The following DNM3 variants were observed in gnomAD, a reference collection of about 807,000 sequenced individuals.
DNM3 encodes the protein dynamin 3.
DNM3 carries 47 observed loss-of-function variants against 101.6 expected under a neutral mutation model. The ratio of observed to expected loss-of-function variants is 0.46; its 90% CI spans 0.37 to 0.59. DNM3 has a LOEUF of 0.59. DNM3 is among the 20% of genes least tolerant of loss of function. The probability of loss-of-function intolerance (pLI) is 0.00; values close to 1 mark genes in which losing one functional copy is unlikely to be tolerated. For missense variants in DNM3, 849 were observed against 1,085.7 expected (o/e 0.78, Z 3.06); for synonymous variants, 385 against 387.9 (o/e 0.99, Z 0.09).
chr1:172,057,973 A>G (rs1339106694), intron 10 of DNM3, among the ~76,000 whole-genome samples: 1 of 141,536 alleles, frequency 7.1e-6, no homozygotes, highest in Non-Finnish European at 1.5e-5. Context: ...AGACACACAT[A>G]GGCTCAACAT....
At chr1:171,995,327 A>G (rs747949203) in intron 4 of DNM3, among the ~76,000 whole-genome samples, 3 of 150,990 alleles carry the variant, frequency 2.0e-5, no homozygotes, top group Non-Finnish European at 4.4e-5. Context: ...CTGGTCTTGT[A>G]CTCCTGACCT....
intron 17 of DNM3, among the ~76,000 whole-genome samples, chr1:172,365,173 A>C (rs936171620): frequency 2.0e-5 from 3 of 151,950 alleles, no homozygotes; most frequent in African/African-American, 7.2e-5. Context: ...AAAATTATTA[A>C]TGTTTTAGAT....
rs746026995 is a variant in DNM3, at chr1:172,108,010, G to T, written c.1545+15135G>T. On this transcript the variant is annotated intron_variant, in intron 13 of 20. Transcript: ENST00000627582. ...AGCAGTCAGGCAGGAGGTACCCGGT[G>T]GTTAACCTTCTGGTCTCCATTCTCA... Among the ~76,000 whole-genome samples, 43 of 151,470 alleles carry T rather than the reference G, an allele frequency of 2.8e-4. 1 individual carries two copies. The highest frequency in any genetic ancestry group is 2.8e-4 in the Non-Finnish European group (19 of 67,938).
intron 1 of DNM3, among the ~76,000 whole-genome samples, chr1:171,855,134 G>T (rs1458685524): frequency 2.0e-5 from 3 of 152,132 alleles, no homozygotes; most frequent in Non-Finnish European, 2.9e-5. Flanking sequence ...GGCAACATTT[G>T]GTTGTCTGTT....
Position 172,254,086 on chromosome 1 carries a change from C to T in DNM3, c.1769+404C>T, listed in dbSNP as rs1351456051. Among the ~76,000 whole-genome samples, 10 of 152,122 alleles carry T rather than the reference C, an allele frequency of 6.6e-5. No homozygotes were observed. The South Asian group carries it at 1.7e-3, about 25-fold the overall frequency. On this transcript the variant is annotated intron_variant, in intron 15 of 20. Coordinates refer to ENST00000627582, the MANE Select transcript of DNM3 (RefSeq NM_015569.5). The stretch of plus-strand genomic sequence containing the variant: ...CCCTCTAGAGTAGCTGGGACTACTG[C>T]GTGCATGCCACTGTGTCTGGATAAT...
chr1:172,026,507 A>T (rs909604858), intron 4 of DNM3, among the ~76,000 whole-genome samples: 1 of 152,228 alleles, frequency 6.6e-6, no homozygotes, highest in African/African-American at 2.4e-5. Flanking sequence ...CATAACCGTC[A>T]GACTCACCAA....
At chr1:171,919,197 T>C (rs1051166337) in intron 1 of DNM3, among the ~76,000 whole-genome samples, 8 of 152,134 alleles carry the variant, frequency 5.3e-5, no homozygotes, top group African/African-American at 1.9e-4. Context: ...GGGATACATA[T>C]GCAGAACATG....
chr1:172,187,307 T>C (rs1019183747), intron 14 of DNM3, among the ~76,000 whole-genome samples: 3 of 152,082 alleles, frequency 2.0e-5, no homozygotes, highest in Admixed American at 6.6e-5. Context: ...TAATTTTTAC[T>C]ATAAAATATT....
At chr1:171,941,570 A>G (rs2041819315) in intron 2 of DNM3, among the ~76,000 whole-genome samples, 1 of 152,158 alleles carries the variant, frequency 6.6e-6, no homozygotes, top group African/African-American at 2.4e-5. Flanking sequence ...CCACTTCTGG[A>G]CTGAGATGTC....
chr1:172,264,300 T>C (rs1471494158), intron 15 of DNM3, among the ~76,000 whole-genome samples: 2 of 152,224 alleles, frequency 1.3e-5, no homozygotes, highest in Admixed American at 6.5e-5. Context: ...ATAGAATTTA[T>C]TGAACTGGAC....
At chr1:172,022,413 C>T (rs1182588018) in intron 4 of DNM3, among the ~76,000 whole-genome samples, 1 of 152,060 alleles carries the variant, frequency 6.6e-6, no homozygotes, top group Admixed American at 6.5e-5. Context: ...TTATTTTAAG[C>T]TGCCTATTTG....
chr1:172,235,960 C>T (rs1052906224), intron 14 of DNM3, among the ~76,000 whole-genome samples: 7 of 152,090 alleles, frequency 4.6e-5, no homozygotes, highest in Middle Eastern at 3.4e-3. Flanking sequence ...CAAACCTGCA[C>T]GTTGTGCACA....
intron 12 of DNM3, among the ~76,000 whole-genome samples, chr1:172,082,326 T>G (rs980766664): frequency 1.7e-5 from 2 of 118,062 alleles, no homozygotes; most frequent in Admixed American, 1.6e-4. Context: ...TAGAGGCCTG[T>G]TTTTTTTTTT....
chr1:172,008,233 T>C (rs2046830351), intron 4 of DNM3, among the ~76,000 whole-genome samples: 1 of 152,070 alleles, frequency 6.6e-6, no homozygotes, highest in African/African-American at 2.4e-5. Context: ...GTTTTTGCTT[T>C]TGTTGCCTGT....
chr1:172,096,619 G>A (rs1453366754), intron 13 of DNM3, among the ~76,000 whole-genome samples: 1 of 152,202 alleles, frequency 6.6e-6, no homozygotes. Flanking sequence ...AGAGAAAGGA[G>A]CATAGTGAAA....
intron 13 of DNM3, among the ~76,000 whole-genome samples, chr1:172,129,970 G>A (rs925097703): frequency 1.3e-5 from 2 of 152,094 alleles, no homozygotes; most frequent in African/African-American, 4.8e-5. Context: ...GGGCACCAAG[G>A]CAATGCTGAA....
At chr1:172,316,441 G>A (rs925559107) in intron 16 of DNM3, among the ~76,000 whole-genome samples, 9 of 152,064 alleles carry the variant, frequency 5.9e-5, no homozygotes, top group Non-Finnish European at 1.3e-4. Context: ...GACACAGACT[G>A]GCAAATGGGA....
Position 172,379,194 on chromosome 1 carries a change from TA to T in DNM3, c.2058+15del. 6.3e-7 allele frequency: 1 copy of T among 1,590,408 alleles called. No homozygotes were observed. The highest frequency in any genetic ancestry group is 1.7e-5 in the Admixed American group (1 of 57,148). On this transcript the variant is annotated intron_variant, in intron 18 of 20. Transcript: ENST00000627582. ...TTATGATCAATAACGTAAGTGATTA[TA>T]AACTACCTCCATTTAACTTCTAACC...
In DNM3 at chr1:172,118,363, A is replaced by C. The variant is rs547056311; in HGVS notation, c.1546-12812A>C. On this transcript the variant is annotated intron_variant, in intron 13 of 20. Transcript: ENST00000627582. ...TTCTAGAATGTCTTAGGAACCCAAAACCTTAAAATTTGTCAGCCATTCTCA... is the reference window on the plus strand; with the variant it reads ...TTCTAGAATGTCTTAGGAACCCAAACCCTTAAAATTTGTCAGCCATTCTCA... 2.6e-5 allele frequency among the ~76,000 whole-genome samples: 4 copies of C among 152,268 alleles called. No individual in the cohort carries two copies. The South Asian group carries it at 8.3e-4, about 32-fold the overall frequency.
Sources: gnomAD v4.1 joint callset for allele counts (sites outside exome capture counted in the v4.1 genomes callset) on GRCh38, gnomAD v4.1.1 for gene constraint, MANE v1.5 for transcripts, NCBI Gene and HGNC (gene_info 2026-07-23, HGNC 2026-07-21) for gene names.